TSHZ3: variants seen among roughly 807,000 people sequenced by gnomAD.
TSHZ3 encodes the protein teashirt zinc finger homeobox 3, also known as teashirt homolog 3.
In TSHZ3, 10 loss-of-function variants were observed where a neutral mutation model predicts 64.5. The observed-to-expected ratio is 0.16, with a 90% CI of 0.10 to 0.26. The LOEUF is 0.26. Ranked by LOEUF, TSHZ3 falls within the 10% of genes least tolerant of loss-of-function variation. The pLI is 1.00. For missense variants in TSHZ3, 1,242 were observed against 1,421.7 expected, an observed-to-expected ratio of 0.87 and a Z score of 2.03; for synonymous variants, 608 against 593.1, an observed-to-expected ratio of 1.03 and a Z score of -0.36.
intron 4 of TSHZ3, among the ~76,000 whole-genome samples, chr19:31,218,365 C>CA (rs1975358868): frequency 6.6e-6 from 1 of 152,188 alleles, no homozygotes; most frequent in Admixed American, 6.5e-5. Context: ...CACCACACAT[C>CA]TATTAGCATG....
At chr19:31,177,133 T>C (rs1008285297) in intron 5 of TSHZ3, among the ~76,000 whole-genome samples, 2 of 152,190 alleles carry the variant, frequency 1.3e-5, no homozygotes, top group African/African-American at 4.8e-5. Flanking sequence ...CCCAGCAGCA[T>C]AGTATAGAAT....
At chr19:31,233,269 A>G (rs555607546) in intron 3 of TSHZ3, among the ~76,000 whole-genome samples, 23 of 152,174 alleles carry the variant, frequency 1.5e-4, no homozygotes, top group Non-Finnish European at 3.2e-4. Context: ...TTAGTCTTTT[A>G]GTCAGTTTAG....
At chr19:31,164,313 T>C (rs1974413713) in intron 5 of TSHZ3, among the ~76,000 whole-genome samples, 1 of 152,144 alleles carries the variant, frequency 6.6e-6, no homozygotes, top group African/African-American at 2.4e-5. Context: ...CCTGGACCCC[T>C]GAGAGAAACC....
intron 1 of TSHZ3, among the ~76,000 whole-genome samples, chr19:31,334,335 G>A (rs1917180603): frequency 6.6e-6 from 1 of 152,162 alleles, no homozygotes; most frequent in African/African-American, 2.4e-5. Flanking sequence ...AAATGGAATG[G>A]GAACATTTCA....
Position 31,293,781 on chromosome 19 carries a change from C to A in TSHZ3, c.41-14029G>T, listed in dbSNP as rs149113025. 3.7e-3 allele frequency among the ~76,000 whole-genome samples: 558 copies of A among 152,144 alleles called. 1 individual carries two copies. Among genetic ancestry groups the A allele is most frequent in the Admixed American group, 4.8e-3 (74 of 15,284 alleles). On this transcript the variant is annotated intron_variant, in intron 1 of 1. Transcript: ENST00000240587. Reference sequence around the variant, plus strand: ...TTCCATATACACTACAGGAGCATTTCTTACCTCTGTGCCCTTTGCATGGCC... The same window carrying A: ...TTCCATATACACTACAGGAGCATTTATTACCTCTGTGCCCTTTGCATGGCC...
chr19:31,297,201 C>G (rs1237956960), intron 1 of TSHZ3, among the ~76,000 whole-genome samples: 1 of 152,192 alleles, frequency 6.6e-6, no homozygotes, highest in Non-Finnish European at 1.5e-5. Context: ...CCACTGGGCA[C>G]AGTTCTCAGC....
chr19:31,211,544 G>A (rs1975259031), intron 4 of TSHZ3, among the ~76,000 whole-genome samples: 1 of 152,190 alleles, frequency 6.6e-6, no homozygotes, highest in Non-Finnish European at 1.5e-5. Flanking sequence ...GGGCAGTGGT[G>A]AGGAAGGGCA....
intron 1 of TSHZ3, among the ~76,000 whole-genome samples, chr19:31,340,298 A>G (rs564691949): frequency 7.5e-6 from 1 of 132,662 alleles, no homozygotes; most frequent in South Asian, 2.6e-4. Context: ...CTCCGACAGA[A>G]TCTTATGGAG....
exon 3 of TSHZ3, among the ~76,000 whole-genome samples, chr19:31,242,570 T>G (rs552767474): frequency 7.2e-5 from 11 of 152,030 alleles, no homozygotes; most frequent in African/African-American, 2.4e-4. Flanking sequence ...GATGGGTGTC[T>G]CAGGTCTAGA....
At chr19:31,233,542 T>C (rs978110316) in intron 3 of TSHZ3, among the ~76,000 whole-genome samples, 7 of 152,202 alleles carry the variant, frequency 4.6e-5, no homozygotes, top group African/African-American at 1.7e-4. Context: ...TGGTTTGTTA[T>C]GTCTTTTTCT....
intron 1 of TSHZ3, among the ~76,000 whole-genome samples, chr19:31,243,447 C>T (rs1445536447): frequency 1.3e-5 from 2 of 152,196 alleles, no homozygotes; most frequent in Non-Finnish European, 2.9e-5. Flanking sequence ...TCCACTCACC[C>T]CTGTGTAGTC....
At chr19:31,258,366 C>T (rs1311546205) in intron 1 of TSHZ3, among the ~76,000 whole-genome samples, 1 of 152,176 alleles carries the variant, frequency 6.6e-6, no homozygotes, top group Admixed American at 6.5e-5. Flanking sequence ...AGCCACAGGA[C>T]ATGGAACAGG....
At chr19:31,176,702 A>C (rs1974612193) in intron 5 of TSHZ3, among the ~76,000 whole-genome samples, 1 of 152,130 alleles carries the variant, frequency 6.6e-6, no homozygotes, top group Non-Finnish European at 1.5e-5. Context: ...AGGTGGGAGG[A>C]TTGCTTGAGC....
intron 3 of TSHZ3, among the ~76,000 whole-genome samples, chr19:31,238,209 G>T (rs1975644768): frequency 6.7e-6 from 1 of 150,212 alleles, no homozygotes; most frequent in South Asian, 2.1e-4. Flanking sequence ...TATCATTGTG[G>T]CTTTGTCCAT....
intron 1 of TSHZ3, among the ~76,000 whole-genome samples, chr19:31,346,186 G>A (rs1256192588): frequency 1.3e-5 from 2 of 152,186 alleles, no homozygotes; most frequent in Admixed American, 1.3e-4. Context: ...TGAAGACCGT[G>A]TGTACCTGTG....
At chr19:31,324,872 T>C (rs1916886193) in intron 1 of TSHZ3, among the ~76,000 whole-genome samples, 1 of 152,162 alleles carries the variant, frequency 6.6e-6, no homozygotes, top group African/African-American at 2.4e-5. Flanking sequence ...GAAGAAACCA[T>C]TTTCATATGA....
At position 31,276,888 on chromosome 19, in the gene TSHZ3, A is replaced by G. The variant is rs145002178; in HGVS notation, c.2905T>C (p.Leu969=). 2.5e-6 allele frequency: 4 copies of G among 1,614,044 alleles called. No individual in the cohort carries two copies. In the African/African-American group the frequency reaches 4.0e-5, roughly 16 times the overall value. The change falls in exon 2 of 2, where the codon TTG becomes CTG. Residue 969 remains leucine (L), a synonymous_variant. Coordinates refer to ENST00000240587, the MANE Select transcript of TSHZ3 (RefSeq NM_020856.4). ...AAGAAGACGGGGTGGCCAGTGTCCA[A>G]GTTTTTGAGGAACTTTGTTCCACCT... is the stretch of plus-strand genomic sequence containing the variant. ...RTGGTKFLKN[L]DTGHPVFFCN... is the part of the protein sequence containing the mutation.
chr19:31,212,625 G>GT (rs1396066388), intron 4 of TSHZ3, among the ~76,000 whole-genome samples: 1 of 152,104 alleles, frequency 6.6e-6, no homozygotes, highest in Non-Finnish European at 1.5e-5. Flanking sequence ...GGGGAACTCT[G>GT]TTACCGGAAC....
At chr19:31,264,126 C>G (rs1351798616) in intron 1 of TSHZ3, among the ~76,000 whole-genome samples, 4 of 152,210 alleles carry the variant, frequency 2.6e-5, no homozygotes, top group African/African-American at 9.6e-5. Context: ...TCCAAATGGC[C>G]TCACATTCCT....
Sources: allele counts gnomAD v4.1 joint callset (sites outside exome capture counted in the v4.1 genomes callset), GRCh38; gene constraint gnomAD v4.1.1; transcripts MANE v1.5; gene names NCBI Gene and HGNC (gene_info 2026-07-23, HGNC 2026-07-21).